The following CCDC73 variants were observed in gnomAD, a reference collection of about 807,000 sequenced individuals.
The protein encoded by CCDC73 is coiled-coil domain-containing protein 73.
In CCDC73, 95 loss-of-function variants were observed where a neutral mutation model predicts 116.5. The observed-to-expected ratio is 0.82, with a 90% CI of 0.69 to 0.97. The LOEUF (loss-of-function observed/expected upper bound fraction) is 0.97. Ranked by LOEUF, CCDC73 falls within the 50% of genes least tolerant of loss-of-function variation. The pLI, the probability that CCDC73 is intolerant of heterozygous loss-of-function variation, is 0.00. For missense variants in CCDC73, 1,066 were observed against 1,206.8 expected, an observed-to-expected ratio of 0.88 and a Z score of 1.73; for synonymous variants, 398 against 401.3, an observed-to-expected ratio of 0.99 and a Z score of 0.10.
intron 1 of CCDC73, among the ~76,000 whole-genome samples, chr11:32,764,411 T>A (rs1448259823): frequency 6.6e-6 from 1 of 152,038 alleles, no homozygotes; most frequent in Non-Finnish European, 1.5e-5. Context: ...TAACAGCAGA[T>A]CTCTCAGCAG....
chr11:32,767,435 C>G (rs1246238276), intron 1 of CCDC73, among the ~76,000 whole-genome samples: 1 of 152,078 alleles, frequency 6.6e-6, no homozygotes, highest in Admixed American at 6.5e-5. Context: ...TCTAAAACAC[C>G]AAAAGCAATG....
At chr11:32,618,809 C>T (rs1205661391) in intron 14 of CCDC73, among the ~76,000 whole-genome samples, 2 of 152,138 alleles carry the variant, frequency 1.3e-5, no homozygotes, top group African/African-American at 4.8e-5. Flanking sequence ...GTCTTGGCCT[C>T]CCAATGTGCT....
At position 32,770,340 on chromosome 11, in the gene CCDC73, C is replaced by T. The variant is rs1429063705; in HGVS notation, c.-15-10082G>A. Among the ~76,000 whole-genome samples the T allele has an allele frequency of 2.0e-5, 3 of 152,066 alleles. No individual in the cohort carries two copies. In the East Asian group the frequency reaches 5.8e-4, roughly 29 times the overall value. The stretch of plus-strand genomic sequence containing the variant: ...TTCTGCCACATTCTATTAACTAAAG[C>T]ATTTCATAAAGCTATCCTAGATTCA... On this transcript the variant is annotated intron_variant, in intron 1 of 17. Coordinates refer to ENST00000335185, the MANE Select transcript of CCDC73 (RefSeq NM_001008391.4).
At chr11:32,617,153 C>T (rs900582481) in intron 14 of CCDC73, among the ~76,000 whole-genome samples, 1 of 151,992 alleles carries the variant, frequency 6.6e-6, no homozygotes, top group Non-Finnish European at 1.5e-5. Flanking sequence ...TAAGCTGGGC[C>T]GAGGTCATTA....
At chr11:32,656,999 C>T (rs1425606475) in intron 9 of CCDC73, among the ~76,000 whole-genome samples, 1 of 152,038 alleles carries the variant, frequency 6.6e-6, no homozygotes, top group Non-Finnish European at 1.5e-5. Context: ...GCTGTAAAAA[C>T]AGGTACTATC....
In CCDC73 at chr11:32,614,103, G is replaced by T; in HGVS notation, c.2215C>A (p.Pro739Thr). 1 of 1,613,462 alleles carries T rather than the reference G, an allele frequency of 6.2e-7. No homozygotes were observed. The highest frequency in any genetic ancestry group is 8.5e-7 in the Non-Finnish European group (1 of 1,179,854). Residue 739 changes from proline (P) to threonine (T), a missense_variant, in exon 16 of 18, where the codon CCT (proline) becomes ACT (threonine). Pro to Thr is a conservative substitution (Grantham distance 38). Transcript: ENST00000335185. ...GTTTTTCCCCCAGGGCTTGAGTTAG[G>T]TTTCACCAACATAGACATACTATGG... ...NVHSMSMLVK[P>T]NSSPGGKTMC...
chr11:32,653,212 A>G lies in CCDC73; in HGVS notation c.850T>C (p.Phe284Leu). Residue 284 changes from phenylalanine to leucine, a missense_variant, in exon 12 of 18, where the codon TTC (phenylalanine) becomes CTC (leucine). Physicochemically the swap from Phe to Leu is conservative, Grantham distance 22 (BLOSUM62 0). Transcript: ENST00000335185. ...CGAAGTAACTGCTGCATATGTTGGAAAGAAATGATGATATCCTTTGAAAAT... is the reference window on the plus strand; with the variant it reads ...CGAAGTAACTGCTGCATATGTTGGAGAGAAATGATGATATCCTTTGAAAAT... ...QEEKQDIIISFQHMQQLLRQQ... is the reference protein window; with the variant it reads ...QEEKQDIIISLQHMQQLLRQQ... The G allele has an allele frequency of 6.2e-7, 1 of 1,608,368 alleles. No individual in the cohort carries two copies. Among genetic ancestry groups the G allele is most frequent in the Non-Finnish European group, 8.5e-7 (1 of 1,175,858 alleles).
chr11:32,755,536 A>AATATATATAT (rs375204188), intron 2 of CCDC73, among the ~76,000 whole-genome samples: 31 of 59,914 alleles, frequency 5.2e-4, no homozygotes, highest in East Asian at 1.7e-3. Flanking sequence ...TCCATCTCAA[A>AATATATATAT]ATATATATAT....
intron 6 of CCDC73, among the ~76,000 whole-genome samples, chr11:32,683,912 G>T (rs920772884): frequency 1.3e-5 from 2 of 152,182 alleles, no homozygotes; most frequent in Non-Finnish European, 2.9e-5. Flanking sequence ...CAGTCTAGGG[G>T]AGTTTGTTAC....
chr11:32,824,582 T>C, the CCDC73 span, among the ~76,000 whole-genome samples: 1 of 152,122 alleles, frequency 6.6e-6, no homozygotes, highest in East Asian at 1.9e-4. Context: ...TTCATTCACT[T>C]AAAAACCAGG....
At chr11:32,813,466 C>T in the CCDC73 span, among the ~76,000 whole-genome samples, 1 of 152,066 alleles carries the variant, frequency 6.6e-6, no homozygotes, top group Admixed American at 6.5e-5. Context: ...CTATATTGCC[C>T]AAGCTGGTCT....
the CCDC73 span, among the ~76,000 whole-genome samples, chr11:32,825,296 T>A: frequency 8.1e-4 from 3 of 3,710 alleles, no homozygotes; most frequent in Non-Finnish European, 1.2e-3. Context: ...TGATGCAGAC[T>A]TTTTTTTTTT....
intron 1 of CCDC73, among the ~76,000 whole-genome samples, chr11:32,782,694 CTT>C (rs1453401413): frequency 6.6e-6 from 1 of 152,064 alleles, no homozygotes. Context: ...TACTAACACT[CTT>C]TTAAAAATTA....
In CCDC73 at chr11:32,705,602, C is replaced by G. The variant is rs569028242; in HGVS notation, c.208-2658G>C. ...TGGGATCTGGGCCAGTATCGCAAGC[C>G]GAGTGCAGCCCGCCAGGTCAAGTGA... On this transcript the variant is annotated intron_variant, in intron 3 of 17. Transcript: ENST00000335185. 2.0e-5 allele frequency among the ~76,000 whole-genome samples: 3 copies of G among 152,252 alleles called. No homozygotes were observed. The South Asian group carries it at 6.2e-4, about 32-fold the overall frequency.
intron 2 of CCDC73, among the ~76,000 whole-genome samples, chr11:32,721,656 C>T (rs950927538): frequency 2.0e-5 from 3 of 147,992 alleles, no homozygotes; most frequent in African/African-American, 5.0e-5. Flanking sequence ...TGCAGTGGTG[C>T]GATCTCAGTT....
At chr11:32,663,111 T>C (rs576329284) in intron 9 of CCDC73, among the ~76,000 whole-genome samples, 13 of 152,324 alleles carry the variant, frequency 8.5e-5, no homozygotes, top group Non-Finnish European at 1.8e-4. Flanking sequence ...TAGTTTGAAG[T>C]CAGGTAGTGT....
chr11:32,718,174 C>T (rs1337222580), intron 2 of CCDC73, 27 bp from the exon 3 acceptor site: 3 of 1,496,650 alleles, frequency 2.0e-6, no homozygotes, highest in Middle Eastern at 1.8e-4. Flanking sequence ...AAGAAAAGTG[C>T]TATAAAAATA....
intron 7 of CCDC73, among the ~76,000 whole-genome samples, 189 bp from the exon 8 acceptor site, chr11:32,676,210 T>C (rs974395485): frequency 1.3e-5 from 2 of 152,218 alleles, no homozygotes; most frequent in African/African-American, 2.4e-5. Context: ...TCTAAATCTA[T>C]GTAAAACTAA....
intron 9 of CCDC73, among the ~76,000 whole-genome samples, chr11:32,664,733 C>T (rs1274620804): frequency 2.6e-5 from 4 of 152,066 alleles, no homozygotes; most frequent in Admixed American, 2.6e-4. Context: ...AATGTGTTTG[C>T]TCTTGCTTGT....
Sources: gnomAD v4.1 joint callset for allele counts (sites outside exome capture counted in the v4.1 genomes callset) on GRCh38, gnomAD v4.1.1 for gene constraint, MANE v1.5 for transcripts, NCBI Gene and HGNC (gene_info 2026-07-23, HGNC 2026-07-21) for gene names.